Variants in WDR70 observed in about 807,000 individuals in gnomAD.
WDR70 encodes the protein WD repeat domain 70, also known as WD repeat-containing protein 70.
WDR70 carries 53 observed loss-of-function variants against 88.6 expected under a neutral mutation model. The observed-to-expected ratio is 0.60, with a 90% CI of 0.48 to 0.75. WDR70 has a LOEUF of 0.75. Among genes scored for constraint, WDR70 ranks in the 30% least tolerant of loss-of-function variants. The pLI is 0.00. For synonymous variants in WDR70, 280 were observed against 270.0 expected (o/e 1.04, Z -0.36); for missense variants, 610 against 823.2 (o/e 0.74, Z 3.17).
intron 17 of WDR70, among the ~76,000 whole-genome samples, chr5:37,737,108 T>A (rs1359804496): frequency 6.6e-6 from 1 of 152,196 alleles, no homozygotes; most frequent in African/African-American, 2.4e-5. Flanking sequence ...GAGGAACACC[T>A]GATATCCAAA....
intron 9 of WDR70, among the ~76,000 whole-genome samples, chr5:37,557,957 A>ACTCTTGTGAAAACTC: frequency 1.4e-5 from 2 of 139,252 alleles, no homozygotes; most frequent in Non-Finnish European, 1.6e-5. Context: ...TCAAAAGAGT[A>ACTCTTGTGAAAACTC]TTATGTATAT....
chr5:37,456,079 T>C (rs554001432), intron 7 of WDR70, among the ~76,000 whole-genome samples: 1 of 152,258 alleles, frequency 6.6e-6, no homozygotes, highest in African/African-American at 2.4e-5. Context: ...TAGAGGTCAT[T>C]TTTATAGACA....
At position 37,726,973 on chromosome 5, in the gene WDR70, C is replaced by T. The variant is rs1220334819; in HGVS notation, c.1805C>T (p.Pro602Leu). The change falls in exon 17 of 18, where the codon CCT (proline) becomes CTT (leucine). Residue 602 changes from proline (P) to leucine (L), a missense_variant. By Grantham distance (98) the Pro-to-Leu change is moderately conservative. This residue lies in a region of WDR70 where 70 missense variants were observed against 139.2 expected (regional missense o/e 0.50). Transcript: ENST00000265107. ...TTGGACAAGACCGATGACAGTAATC[C>T]TCGGGAAGCCATTTTGCGTCATGCC... ...IALDKTDDSN[P>L]REAILRHAKA... The T allele has an allele frequency of 6.2e-7, 1 of 1,611,372 alleles. No homozygotes were observed. The highest frequency in any genetic ancestry group is 8.5e-7 in the Non-Finnish European group (1 of 1,178,760).
chr5:37,721,041 C>A, intron 13 of WDR70, 74 bp from the exon 14 acceptor site: 1 of 1,222,852 alleles, frequency 8.2e-7, no homozygotes, highest in Non-Finnish European at 1.2e-6. Flanking sequence ...GTAGACTAGC[C>A]ATCAAAGTAC....
chr5:37,694,531 A>G (rs1421341488), intron 10 of WDR70, among the ~76,000 whole-genome samples: 2 of 152,234 alleles, frequency 1.3e-5, no homozygotes, highest in African/African-American at 4.8e-5. Context: ...AAAAAGGATG[A>G]GTTCATGTCT....
intron 10 of WDR70, among the ~76,000 whole-genome samples, chr5:37,673,423 T>C (rs1418100068): frequency 6.6e-6 from 1 of 152,166 alleles, no homozygotes; most frequent in Non-Finnish European, 1.5e-5. Flanking sequence ...TACCCAGTAA[T>C]GGGATTGCTG....
intron 6 of WDR70, among the ~76,000 whole-genome samples, chr5:37,441,297 CTT>C (rs1443734472): frequency 2.0e-5 from 3 of 152,146 alleles, no homozygotes; most frequent in South Asian, 4.2e-4. Context: ...TAAAAAATGA[CTT>C]TGTTTTCACT....
intron 10 of WDR70, among the ~76,000 whole-genome samples, chr5:37,644,409 C>T (rs935573766): frequency 1.3e-5 from 2 of 151,994 alleles, no homozygotes; most frequent in Non-Finnish European, 2.9e-5. Flanking sequence ...GTTTTTGCAT[C>T]AACATTCATC....
chr5:37,524,395 A>G (rs1236691612), intron 9 of WDR70, among the ~76,000 whole-genome samples: 1 of 152,212 alleles, frequency 6.6e-6, no homozygotes, highest in African/African-American at 2.4e-5. Context: ...TCATAAGTGA[A>G]GGAGAAATAA....
At chr5:37,452,500 A>C (rs185532760) in intron 7 of WDR70, among the ~76,000 whole-genome samples, 8 of 152,188 alleles carry the variant, frequency 5.3e-5, no homozygotes, top group Non-Finnish European at 8.8e-5. Flanking sequence ...TCTTGACCTC[A>C]AGTGATCTGC....
intron 10 of WDR70, among the ~76,000 whole-genome samples, chr5:37,637,339 T>TTAAA (rs34958458): frequency 0.18 from 25,489 of 144,922 alleles, 2,375 homozygotes; most frequent in South Asian, 0.22. Flanking sequence ...AATAAATAAA[T>TTAAA]TAAATAAATA....
intron 9 of WDR70, among the ~76,000 whole-genome samples, chr5:37,531,098 G>A (rs964394041): frequency 4.6e-5 from 7 of 151,968 alleles, no homozygotes; most frequent in Admixed American, 2.6e-4. Context: ...TATTTGCATG[G>A]TTTTGAGGTT....
At chr5:37,682,437 G>A (rs555383950) in intron 10 of WDR70, among the ~76,000 whole-genome samples, 5 of 152,028 alleles carry the variant, frequency 3.3e-5, no homozygotes, top group East Asian at 3.9e-4. Context: ...TTTCAGCACC[G>A]ATTTTGGTTA....
At chr5:37,554,108 CTTTT>C (rs75489460) in intron 9 of WDR70, among the ~76,000 whole-genome samples, 1 of 134,436 alleles carries the variant, frequency 7.4e-6, no homozygotes. Context: ...TGCAATACTC[CTTTT>C]TTTTTTTTTT....
At chr5:37,556,123 T>C (rs1283605894) in intron 9 of WDR70, among the ~76,000 whole-genome samples, 1 of 142,390 alleles carries the variant, frequency 7.0e-6, no homozygotes, top group African/African-American at 2.5e-5. Flanking sequence ...AGTTCCATAT[T>C]TTGGATTTTC....
chr5:37,668,935 C>T (rs1477615855), intron 10 of WDR70, among the ~76,000 whole-genome samples: 1 of 152,174 alleles, frequency 6.6e-6, no homozygotes, highest in African/African-American at 2.4e-5. Context: ...AAGTAGAGAA[C>T]CCTCCTGGAA....
intron 8 of WDR70, among the ~76,000 whole-genome samples, chr5:37,487,627 A>ATTTTTTTTTTTT (rs70978825): frequency 2.2e-4 from 15 of 69,032 alleles, no homozygotes; most frequent in African/African-American, 6.5e-4. Context: ...ATATATATGT[A>ATTTTTTTTTTTT]TTTTTTTTTT....
Position 37,507,920 on chromosome 5 carries a change from A to G in WDR70, c.841-8594A>G, listed in dbSNP as rs73074108. Among the ~76,000 whole-genome samples, 1,115 of 152,182 alleles carry G rather than the reference A, an allele frequency of 7.3e-3. 16 individuals are homozygous for G. The highest frequency in any genetic ancestry group is 0.025 in the African/African-American group (1,050 of 41,502). The stretch of plus-strand genomic sequence containing the variant: ...TACATAAATGGTCATTGTGTCTTGG[A>G]ATGAATGTTTTATTTCTCCTTTTAC... On this transcript the variant is annotated intron_variant, in intron 8 of 17. Coordinates refer to ENST00000265107, the MANE Select transcript of WDR70 (RefSeq NM_018034.4).
intron 17 of WDR70, among the ~76,000 whole-genome samples, chr5:37,735,046 C>T (rs574586962): frequency 6.6e-6 from 1 of 152,218 alleles, no homozygotes; most frequent in South Asian, 2.1e-4. Flanking sequence ...TGATAGAATT[C>T]ACCTGTAAAA....
Sources: allele counts gnomAD v4.1 joint callset (sites outside exome capture counted in the v4.1 genomes callset), GRCh38; gene constraint gnomAD v4.1.1; regional missense constraint gnomAD v4.1.1; transcripts MANE v1.5; gene names NCBI Gene and HGNC (gene_info 2026-07-23, HGNC 2026-07-21).